Variants in SORBS3 observed in about 807,000 individuals in gnomAD.
SORBS3 encodes sorbin and SH3 domain containing 3.
Under a neutral mutation model 98.0 loss-of-function variants are expected in SORBS3, and 69 were observed. The ratio of observed to expected loss-of-function variants is 0.70; its 90% CI spans 0.58 to 0.86. The LOEUF (loss-of-function observed/expected upper bound fraction) is 0.86. Ranked by LOEUF, SORBS3 falls within the 40% of genes least tolerant of loss-of-function variation. SORBS3 has a pLI of 0.00. For synonymous variants in SORBS3, 394 were observed against 355.4 expected, an observed-to-expected ratio of 1.11 and a Z score of -1.22; for missense variants, 954 against 908.5, an observed-to-expected ratio of 1.05 and a Z score of -0.64.
In SORBS3 at chr8:22,564,540, TG is replaced by T. The variant is rs747977841; in HGVS notation, c.816+23del. ...CATTGAGGTGAGTGCTGCAGGGTGCTGGGGACAGCAGCCTGATAAACCAGGG... is the reference window on the plus strand; with the variant it reads ...CATTGAGGTGAGTGCTGCAGGGTGCTGGGACAGCAGCCTGATAAACCAGGG... On this transcript the variant is annotated intron_variant, in intron 10 of 20. Coordinates refer to ENST00000240123, the MANE Select transcript of SORBS3 (RefSeq NM_005775.5). 5.0e-6 allele frequency: 8 copies of T among 1,613,768 alleles called. No individual in the cohort carries two copies. In the African/African-American group the frequency reaches 9.3e-5, roughly 19 times the overall value.
In SORBS3 at chr8:22,571,125, G is replaced by T; in HGVS notation, c.1647G>T (p.Leu549=). ...GTCACCCCAGCTCCCCCTCAGCCCTGCGCAGCCCAGCTGACCCCATCGACT... is the reference window on the plus strand; with the variant it reads ...GTCACCCCAGCTCCCCCTCAGCCCTTCGCAGCCCAGCTGACCCCATCGACT... The part of the protein sequence containing the change: ...SARHPSSPSA[L]RSPADPIDLG... The change falls in exon 18 of 21, where the codon CTG becomes CTT. Residue 549 remains leucine (L), a synonymous_variant. Transcript: ENST00000240123. The T allele has an allele frequency of 1.2e-6, 2 of 1,605,890 alleles. No homozygotes were observed. The highest frequency in any genetic ancestry group is 2.2e-5 in the South Asian group (2 of 90,908).
In SORBS3 at chr8:22,564,448, A is replaced by G; in HGVS notation, c.763-20A>G. The G allele has an allele frequency of 6.2e-7, 1 of 1,614,116 alleles. No individual in the cohort carries two copies. The highest frequency in any genetic ancestry group is 1.1e-5 in the South Asian group (1 of 91,080). On this transcript the variant is annotated intron_variant, in intron 9 of 20. Transcript: ENST00000240123. Reference sequence around the variant, plus strand: ...GGAAAGTGAGTTCACCTGCTCTGACACACCCTTTCTACCCTTCAGCCCAAG... The same window carrying G: ...GGAAAGTGAGTTCACCTGCTCTGACGCACCCTTTCTACCCTTCAGCCCAAG...
At chr8:22,553,233 C>T (rs1405905182) in intron 1 of SORBS3, among the ~76,000 whole-genome samples, 1 of 152,058 alleles carries the variant, frequency 6.6e-6, no homozygotes, top group African/African-American at 2.4e-5. Context: ...GGTGGTCCCC[C>T]CAGAAGTCAT....
chr8:22,554,325 G>T lies in SORBS3; in HGVS notation c.-55-127G>T. On this transcript the variant is annotated intron_variant, in intron 1 of 20. Transcript: ENST00000240123. The surrounding 1 kb of genome is among the most constrained non-coding windows in gnomAD (Gnocchi z 6.5). The stretch of plus-strand genomic sequence containing the variant: ...CGTGGCCTGTTTCCTGGGTCCTTGA[G>T]CTAGTACCCAGCTGGTCCTGACCCC... 1.0e-6 allele frequency: 1 copy of T among 992,584 alleles called. No homozygotes were observed. Among genetic ancestry groups the T allele is most frequent in the Non-Finnish European group, 1.4e-6 (1 of 705,806 alleles). 61.5% of individuals were successfully genotyped at this position (992,584 alleles called of 1,614,324 possible).
Position 22,574,790 on chromosome 8 carries a change from A to T in SORBS3, c.*62A>T. The stretch of plus-strand genomic sequence containing the variant: ...GGTGGGGAGCGGTGGCACTCGTGGG[A>T]GGGAGAGGACCCCCGCCCACATCCT... On this transcript the variant is annotated 3_prime_UTR_variant, in exon 21 of 21. Transcript: ENST00000240123. The T allele has an allele frequency of 6.7e-7, 1 of 1,499,022 alleles. No individual in the cohort carries two copies. Among genetic ancestry groups the T allele is most frequent in the Non-Finnish European group, 9.3e-7 (1 of 1,075,922 alleles). The allele number at this position is 1,499,022 out of a possible 1,614,324, so 92.9% of individuals were successfully genotyped here.
chr8:22,559,423 G>A (rs117505865), intron 5 of SORBS3, among the ~76,000 whole-genome samples: 113 of 152,248 alleles, frequency 7.4e-4, no homozygotes, highest in Middle Eastern at 3.4e-3. Context: ...TTCACAGGCC[G>A]GGCGCGGTGG....
At chr8:22,548,042 T>C (rs1395540901), upstream of SORBS3, among the ~76,000 whole-genome samples, 1 of 152,164 alleles carries the variant, frequency 6.6e-6, no homozygotes, top group Non-Finnish European at 1.5e-5. Context: ...TCCTATGGGG[T>C]TCCATGCACC....
intron 16 of SORBS3, among the ~76,000 whole-genome samples, chr8:22,567,507 C>G (rs1365499058): frequency 6.6e-6 from 1 of 152,168 alleles, no homozygotes; most frequent in African/African-American, 2.4e-5. Flanking sequence ...GGGAAGTGTG[C>G]GACAGTTTAT....
chr8:22,571,663 C>G (rs1168643514), intron 18 of SORBS3, 55 bp from the exon 19 acceptor site: 1 of 1,368,776 alleles, frequency 7.3e-7, no homozygotes, highest in South Asian at 1.2e-5. Context: ...CTCAGGCTTA[C>G]ATGTACCCAT....
At chr8:22,551,174 G>C (rs975857746), upstream of SORBS3, among the ~76,000 whole-genome samples, 1 of 152,224 alleles carries the variant, frequency 6.6e-6, no homozygotes, top group Non-Finnish European at 1.5e-5. The surrounding 1 kb of genome is among the most constrained non-coding windows in gnomAD (Gnocchi z 5.8). Flanking sequence ...GCACGCCCGG[G>C]GGGGCCGCTC....
chr8:22,569,338 TA>T, intron 17 of SORBS3, 65 bp downstream of exon 17: 1 of 1,339,956 alleles, frequency 7.5e-7, no homozygotes, highest in Non-Finnish European at 9.9e-7. Flanking sequence ...ATATGTGCAC[TA>T]AAAACAGTTT....
chr8:22,573,302 A>AT (rs1249163927), intron 20 of SORBS3: 2 of 453,302 alleles, frequency 4.4e-6, no homozygotes, highest in Non-Finnish European at 4.4e-6. Context: ...TTGCTTTGGA[A>AT]TTTTTTTACA....
In SORBS3 at chr8:22,564,052, C is replaced by T. The variant is rs1278918544; in HGVS notation, c.650C>T (p.Ser217Phe). 1 of 1,613,928 alleles carries T rather than the reference C, an allele frequency of 6.2e-7. No individual in the cohort carries two copies. The highest frequency in any genetic ancestry group is 1.7e-5 in the Admixed American group (1 of 60,034). The change falls in exon 8 of 21, where the codon TCC becomes TTC. Residue 217 changes from serine to phenylalanine, a missense_variant. Physicochemically the swap from Ser to Phe is radical, Grantham distance 155. Transcript: ENST00000240123. ...STFNYRPGAF[S>F]TVLQPSNQVL... is the part of the protein sequence containing the mutation. ...TTCAACTACAGACCTGGAGCATTCTCCACTGTGCTGCAGCCCTCAAATCAG... is the reference window on the plus strand; with the variant it reads ...TTCAACTACAGACCTGGAGCATTCTTCACTGTGCTGCAGCCCTCAAATCAG...
chr8:22,574,144 C>T (rs565421572), intron 20 of SORBS3, among the ~76,000 whole-genome samples: 6 of 152,044 alleles, frequency 3.9e-5, no homozygotes, highest in African/African-American at 1.5e-4. Context: ...GGGTGCCAGG[C>T]CCCCCAGATG....
Position 22,554,693 on chromosome 8 carries a change from A to G in SORBS3, c.102+85A>G. 6.8e-7 allele frequency: 1 copy of G among 1,459,916 alleles called. No homozygotes were observed. Among genetic ancestry groups the G allele is most frequent in the South Asian group, 1.3e-5 (1 of 77,254 alleles). The allele number at this position is 1,459,916 out of a possible 1,614,324, so 90.4% of individuals were successfully genotyped here. On this transcript the variant is annotated intron_variant, in intron 2 of 20. Coordinates refer to ENST00000240123, the MANE Select transcript of SORBS3 (RefSeq NM_005775.5). The surrounding 1 kb of genome is among the most constrained non-coding windows in gnomAD (Gnocchi z 6.5). ...CAGGTCAGGTGGGGGCAGGAGGATG[A>G]AAGGGATGGAGGGAGGGCTGAAGAG...
At chr8:22,561,082 G>A in intron 5 of SORBS3, 1 of 444,452 alleles carries the variant, frequency 2.2e-6, no homozygotes, top group Middle Eastern at 5.8e-4. Flanking sequence ...GAACAGGGAG[G>A]GAGGAGCAGG....
chr8:22,553,095 G>T (rs1420206783), intron 1 of SORBS3, among the ~76,000 whole-genome samples: 38 of 152,054 alleles, frequency 2.5e-4, no homozygotes, highest in Non-Finnish European at 4.4e-5. Flanking sequence ...AGTCATCCCA[G>T]CCTTATTCTA....
intron 16 of SORBS3, 83 bp from the exon 17 acceptor site, chr8:22,569,065 C>T: frequency 7.1e-7 from 1 of 1,409,788 alleles, no homozygotes; most frequent in East Asian, 2.7e-5. Context: ...GGCCCACCTT[C>T]TCTTTGCTGT....
At chr8:22,560,028 C>T (rs1443056828) in intron 5 of SORBS3, among the ~76,000 whole-genome samples, 1 of 149,038 alleles carries the variant, frequency 6.7e-6, no homozygotes, top group Non-Finnish European at 1.5e-5. Context: ...GATCACCCCA[C>T]TGCACTCCAG....
Sources: allele counts gnomAD v4.1 joint callset (sites outside exome capture counted in the v4.1 genomes callset), GRCh38; gene constraint gnomAD v4.1.1; non-coding constraint Gnocchi (gnomAD v3.1); transcripts MANE v1.5; gene names NCBI Gene and HGNC (gene_info 2026-07-23, HGNC 2026-07-21).